The following USP46 variants were observed in gnomAD, a reference collection of about 807,000 sequenced individuals.
USP46 encodes ubiquitin carboxyl-terminal hydrolase 46.
In USP46, 12 loss-of-function variants were observed where a neutral mutation model predicts 44.4. The observed-to-expected ratio is 0.27, with a 90% CI of 0.17 to 0.44. USP46 has a LOEUF of 0.44. Ranked by LOEUF, USP46 falls within the 20% of genes least tolerant of loss-of-function variation. The pLI is 1.00. For missense variants in USP46, 248 were observed against 444.8 expected (o/e 0.56, Z 3.98); for synonymous variants, 155 against 161.5 (o/e 0.96, Z 0.31).
At position 52,594,334 on chromosome 4, in the gene USP46, T is replaced by G. The variant is rs976630210; in HGVS notation, c.*3306A>C. On this transcript the variant is annotated 3_prime_UTR_variant, in exon 9 of 9. Transcript: ENST00000441222. ...ATTATTTTAAATAAAAACTACAATATTTTTAGCAACAAAATAATAGGAATG... is the reference window on the plus strand; with the variant it reads ...ATTATTTTAAATAAAAACTACAATAGTTTTAGCAACAAAATAATAGGAATG... The G allele has an allele frequency of 1.3e-5, 2 of 152,162 alleles. No homozygotes were observed. Among genetic ancestry groups the G allele is most frequent in the East Asian group, 1.9e-4 (1 of 5,206 alleles). 9.4% of individuals were successfully genotyped at this position (152,162 alleles called of 1,614,324 possible). A position where few individuals can be genotyped will look rare whatever the true frequency, so the allele number is the denominator to read the frequency against.
Position 52,659,225 on chromosome 4 carries a change from G to C in USP46, c.-75C>G. ...CCGGGACTGCCCATGGTGGCGCGCT[G>C]GCGGGGAGGCCGGGCGGCAGCGCGG... is the stretch of plus-strand genomic sequence containing the variant. On this transcript the variant is annotated 5_prime_UTR_variant, in exon 1 of 9. Transcript: ENST00000441222. The surrounding 1 kb of genome is among the most constrained non-coding windows in gnomAD (Gnocchi z 4.2). 1 of 1,447,882 alleles carries C rather than the reference G, an allele frequency of 6.9e-7. No homozygotes were observed. The highest frequency in any genetic ancestry group is 9.2e-7 in the Non-Finnish European group (1 of 1,091,438). The allele number at this position is 1,447,882 out of a possible 1,614,324, so 89.7% of individuals were successfully genotyped here.
chr4:52,630,511 T>C (rs1267287082), intron 2 of USP46, among the ~76,000 whole-genome samples: 2 of 152,084 alleles, frequency 1.3e-5, no homozygotes, highest in Non-Finnish European at 2.9e-5. Context: ...TCCCCACACT[T>C]TGGGAGGCCG....
chr4:52,638,574 G>T (rs1718208504), intron 1 of USP46, among the ~76,000 whole-genome samples: 1 of 149,300 alleles, frequency 6.7e-6, no homozygotes, highest in Non-Finnish European at 1.5e-5. Context: ...ATATATTCCA[G>T]TTATTATTTA....
intron 1 of USP46, among the ~76,000 whole-genome samples, chr4:52,632,025 G>C (rs1270104427): frequency 6.6e-6 from 1 of 151,658 alleles, no homozygotes; most frequent in Non-Finnish European, 1.5e-5. Context: ...CAAGGGAAGG[G>C]GAAGGGGAAG....
At chr4:52,651,830 C>A (rs1189185468) in intron 1 of USP46, among the ~76,000 whole-genome samples, 6 of 152,156 alleles carry the variant, frequency 3.9e-5, no homozygotes, top group Non-Finnish European at 7.4e-5. Flanking sequence ...CTGGCACAGG[C>A]AGGTCTCCCA....
intron 1 of USP46, among the ~76,000 whole-genome samples, chr4:52,639,628 G>T (rs1307287668): frequency 3.3e-5 from 5 of 152,182 alleles, no homozygotes; most frequent in African/African-American, 7.2e-5. Context: ...ACACCTAGCT[G>T]CAAGGGAGTT....
chr4:52,607,126 CT>C (rs2109601977), intron 5 of USP46, among the ~76,000 whole-genome samples: 1 of 152,296 alleles, frequency 6.6e-6, no homozygotes, highest in African/African-American at 2.4e-5. Context: ...CCTACTCATT[CT>C]TATTTTCCCC....
intron 1 of USP46, among the ~76,000 whole-genome samples, chr4:52,633,223 A>G (rs1717984533): frequency 6.6e-6 from 1 of 152,200 alleles, no homozygotes; most frequent in African/African-American, 2.4e-5. Flanking sequence ...TAGAAATGGC[A>G]CACAGCCTCC....
intron 1 of USP46, among the ~76,000 whole-genome samples, chr4:52,657,125 A>C (rs924653898): frequency 6.6e-6 from 1 of 151,866 alleles, no homozygotes; most frequent in Non-Finnish European, 1.5e-5. Flanking sequence ...CTCTCTAGAC[A>C]TGGCGTCTAA....
At chr4:52,631,938 G>A (rs1279094051) in intron 1 of USP46, among the ~76,000 whole-genome samples, 1 of 151,950 alleles carries the variant, frequency 6.6e-6, no homozygotes, top group African/African-American at 2.4e-5. Flanking sequence ...CCTGGGGGCT[G>A]GAGGTTGCAG....
chr4:52,636,493 G>A (rs1718119715), intron 1 of USP46, among the ~76,000 whole-genome samples: 3 of 151,934 alleles, frequency 2.0e-5, no homozygotes, highest in Admixed American at 2.0e-4. Flanking sequence ...AGATCACAAG[G>A]TCAGGAGTTC....
intron 1 of USP46, among the ~76,000 whole-genome samples, chr4:52,642,838 G>T (rs1157841842): frequency 6.6e-6 from 1 of 152,108 alleles, no homozygotes; most frequent in Non-Finnish European, 1.5e-5. Flanking sequence ...GTTCTAGAGA[G>T]TAAACCATTC....
chr4:52,635,583 TC>T (rs1474488528), intron 1 of USP46, among the ~76,000 whole-genome samples: 1 of 152,084 alleles, frequency 6.6e-6, no homozygotes, highest in Non-Finnish European at 1.5e-5. Context: ...AGACAGGGAC[TC>T]CCCCAACTTC....
intron 7 of USP46, among the ~76,000 whole-genome samples, chr4:52,599,264 G>A (rs150131905): frequency 3.2e-4 from 49 of 152,094 alleles, no homozygotes; most frequent in African/African-American, 9.2e-4. Flanking sequence ...GGAGGGGTAG[G>A]GGTGGGGGTC....
chr4:52,632,658 C>T (rs1717878099), intron 1 of USP46, among the ~76,000 whole-genome samples: 1 of 151,318 alleles, frequency 6.6e-6, no homozygotes, highest in Non-Finnish European at 1.5e-5. Flanking sequence ...CCTGTCTCTA[C>T]AAAAAATATA....
At chr4:52,654,437 G>A (rs1038088969) in intron 1 of USP46, among the ~76,000 whole-genome samples, 4 of 152,182 alleles carry the variant, frequency 2.6e-5, no homozygotes, top group African/African-American at 7.2e-5. Context: ...TAGGTAAGTA[G>A]TTGACTTATC....
intron 4 of USP46, among the ~76,000 whole-genome samples, chr4:52,612,288 C>T (rs1221324036): frequency 6.6e-6 from 1 of 152,128 alleles, no homozygotes; most frequent in Non-Finnish European, 1.5e-5. Flanking sequence ...ACACATGCAT[C>T]CCCTCCCTTG....
chr4:52,649,403 A>G (rs1196786753), intron 1 of USP46, among the ~76,000 whole-genome samples: 1 of 152,234 alleles, frequency 6.6e-6, no homozygotes, highest in East Asian at 1.9e-4. Flanking sequence ...AAAAAGATAA[A>G]TAGGATCTGA....
At chr4:52,601,562 GA>G (rs1716472985) in intron 7 of USP46, among the ~76,000 whole-genome samples, 1 of 152,090 alleles carries the variant, frequency 6.6e-6, no homozygotes, top group Non-Finnish European at 1.5e-5. Context: ...TCATAGCATA[GA>G]CATTTATTTC....
Sources: gnomAD v4.1 joint callset for allele counts (sites outside exome capture counted in the v4.1 genomes callset) on GRCh38, gnomAD v4.1.1 for gene constraint, Gnocchi (gnomAD v3.1) non-coding constraint, MANE v1.5 for transcripts, NCBI Gene and HGNC (gene_info 2026-07-23, HGNC 2026-07-21) for gene names.